The following EIF4G3 variants were observed in gnomAD, a reference collection of about 807,000 sequenced individuals.
EIF4G3 encodes eIF-4-gamma 3.
A neutral mutation model predicts 186.4 loss-of-function variants in EIF4G3; 34 were observed. The observed-to-expected ratio is 0.18, with a 90% CI of 0.14 to 0.24. The LOEUF is 0.24. EIF4G3 is among the 10% of genes least tolerant of loss of function. EIF4G3 has a pLI of 1.00. For missense variants in EIF4G3, 1,536 were observed against 1,948.5 expected, an observed-to-expected ratio of 0.79 and a Z score of 3.99; for synonymous variants, 673 against 679.5, an observed-to-expected ratio of 0.99 and a Z score of 0.15.
chr1:21,164,204 C>T (rs2097816823), intron 2 of EIF4G3, among the ~76,000 whole-genome samples: 1 of 152,172 alleles, frequency 6.6e-6, no homozygotes, highest in Non-Finnish European at 1.5e-5. Context: ...GAATTTGTAA[C>T]TCATAATTTC....
In EIF4G3 at chr1:20,833,437, T is replaced by G. The variant is rs572012818; in HGVS notation, c.4062-4165A>C. On this transcript the variant is annotated intron_variant, in intron 30 of 36. Coordinates refer to ENST00000602326, the MANE Select transcript of EIF4G3 (RefSeq NM_001391906.1). ...TGTTGTTGGTGTATAAGAATGCTTG[T>G]GATTTTTGTACATTGATTTTGTATC... 2.9e-3 allele frequency among the ~76,000 whole-genome samples: 447 copies of G among 152,298 alleles called. 2 individuals are homozygous for G. The highest frequency in any genetic ancestry group is 0.01 in the African/African-American group (431 of 41,554).
chr1:21,106,419 A>G (rs144051583), intron 2 of EIF4G3, among the ~76,000 whole-genome samples: 49 of 152,178 alleles, frequency 3.2e-4, no homozygotes, highest in African/African-American at 1.1e-3. Context: ...AACCAAGGGG[A>G]ATAGCTATTG....
chr1:20,846,568 A>T (rs2071110763), intron 29 of EIF4G3, among the ~76,000 whole-genome samples: 1 of 152,100 alleles, frequency 6.6e-6, no homozygotes, highest in South Asian at 2.1e-4. Context: ...GCTACTGTTT[A>T]TTTATTAATT....
chr1:21,051,455 G>A (rs191140753), intron 3 of EIF4G3, among the ~76,000 whole-genome samples: 3 of 152,026 alleles, frequency 2.0e-5, no homozygotes, highest in Admixed American at 6.6e-5. Flanking sequence ...ACTTATGGAC[G>A]TATACACTAA....
chr1:21,122,641 T>C (rs1047066349), intron 2 of EIF4G3, among the ~76,000 whole-genome samples: 8 of 152,202 alleles, frequency 5.3e-5, no homozygotes, highest in Admixed American at 6.5e-5. Flanking sequence ...ACGAGATGTT[T>C]TTCAGTTTGG....
At chr1:20,812,752 G>T (rs2059508817) in intron 35 of EIF4G3, among the ~76,000 whole-genome samples, 1 of 152,058 alleles carries the variant, frequency 6.6e-6, no homozygotes, top group South Asian at 2.1e-4. Context: ...TTTTCTTCAT[G>T]TATGTACTTA....
In EIF4G3 at chr1:21,131,606, T is replaced by C. The variant is rs544620433; in HGVS notation, c.-271-42393A>G. ...AAGAAGAAGAAAACAAAAAATTACA[T>C]ATACTTAAGTAAACAGGTAAGAATT... On this transcript the variant is annotated intron_variant, in intron 2 of 36. Coordinates refer to ENST00000602326, the MANE Select transcript of EIF4G3 (RefSeq NM_001391906.1). Among the ~76,000 whole-genome samples the C allele has an allele frequency of 5.3e-4, 80 of 152,124 alleles. 1 individual carries two copies. In the South Asian group the frequency reaches 0.012, roughly 23 times the overall value.
chr1:20,964,046 G>T (rs190763687), intron 12 of EIF4G3, among the ~76,000 whole-genome samples: 1 of 152,048 alleles, frequency 6.6e-6, no homozygotes, highest in Admixed American at 6.5e-5. Flanking sequence ...TTTCAATGAA[G>T]ACTATTAGGC....
At chr1:20,878,223 A>G (rs997181168) in intron 20 of EIF4G3, among the ~76,000 whole-genome samples, 1 of 152,138 alleles carries the variant, frequency 6.6e-6, no homozygotes, top group African/African-American at 2.4e-5. Context: ...CCAAAGCCAC[A>G]CTTACTGCTT....
chr1:20,929,366 C>A (rs1012564851), intron 14 of EIF4G3: 1 of 152,166 alleles, frequency 6.6e-6, no homozygotes, highest in Non-Finnish European at 1.5e-5. Flanking sequence ...AGATAAATGA[C>A]ATAATGGGTA....
At chr1:20,927,761 A>G (rs1332256974) in intron 14 of EIF4G3, among the ~76,000 whole-genome samples, 1 of 152,216 alleles carries the variant, frequency 6.6e-6, no homozygotes, top group African/African-American at 2.4e-5. Flanking sequence ...CAGATCCCTT[A>G]TGTTCTGATC....
At chr1:20,971,937 C>T (rs182781001) in intron 11 of EIF4G3, among the ~76,000 whole-genome samples, 77 of 152,258 alleles carry the variant, frequency 5.1e-4, no homozygotes, top group African/African-American at 1.7e-3. Flanking sequence ...CCGGCCTGAA[C>T]CTCATTAATT....
chr1:21,166,531 C>T (rs1425865551), intron 2 of EIF4G3, among the ~76,000 whole-genome samples: 1 of 152,064 alleles, frequency 6.6e-6, no homozygotes, highest in Non-Finnish European at 1.5e-5. Context: ...CCGAGGCCAG[C>T]CTGGCCTATT....
intron 2 of EIF4G3, chr1:21,175,941 A>G (rs2098094146): frequency 4.5e-6 from 1 of 222,250 alleles, no homozygotes; most frequent in Admixed American, 5.8e-5. Context: ...GGGCTGCAGA[A>G]GCATGGCCAA....
Position 21,067,966 on chromosome 1 carries a change from A to G in EIF4G3, c.-195-16972T>C, listed in dbSNP as rs1478798377. ...AATAAAATAAAAAAAGAAAACCCCT[A>G]TGTTTGTATGTTTACTGTTCTGCAA... is the stretch of plus-strand genomic sequence containing the variant. On this transcript the variant is annotated intron_variant, in intron 3 of 36. Transcript: ENST00000602326. Among the ~76,000 whole-genome samples the G allele has an allele frequency of 3.9e-5, 6 of 152,020 alleles. No individual in the cohort carries two copies. The East Asian group carries it at 7.7e-4, about 20-fold the overall frequency.
chr1:20,855,122 A>T (rs780558706), intron 25 of EIF4G3, 51 bp from the exon 26 acceptor site: 4 of 1,412,534 alleles, frequency 2.8e-6, no homozygotes, highest in Non-Finnish European at 3.9e-6. Context: ...CTAGAAGAAT[A>T]GTTTTTCTTT....
chr1:20,909,749 G>A (rs540829361), intron 14 of EIF4G3, among the ~76,000 whole-genome samples: 1 of 144,128 alleles, frequency 6.9e-6, no homozygotes, highest in South Asian at 2.2e-4. Context: ...AATTAACTCT[G>A]TTAAAATTCT....
chr1:21,109,475 T>C (rs964588357), intron 2 of EIF4G3, among the ~76,000 whole-genome samples: 19 of 152,134 alleles, frequency 1.2e-4, no homozygotes, highest in Admixed American at 1.0e-3. Flanking sequence ...CAAGACTTTG[T>C]CTCTGTAAAA....
intron 7 of EIF4G3, among the ~76,000 whole-genome samples, chr1:20,984,306 T>G (rs1198583821): frequency 6.7e-6 from 1 of 149,526 alleles, no homozygotes; most frequent in African/African-American, 2.5e-5. Flanking sequence ...GCTGGGACTA[T>G]GGGTGCCCAC....
Sources: gnomAD v4.1 joint callset for allele counts (sites outside exome capture counted in the v4.1 genomes callset) on GRCh38, gnomAD v4.1.1 for gene constraint, MANE v1.5 for transcripts, NCBI Gene and HGNC (gene_info 2026-07-23, HGNC 2026-07-21) for gene names.